EFR3B: variants seen among roughly 807,000 people sequenced by gnomAD.
EFR3B encodes the protein protein EFR3 homolog B.
EFR3B carries 64 observed loss-of-function variants against 104.7 expected under a neutral mutation model. That is an observed-to-expected ratio of 0.61 (90% confidence interval 0.50 to 0.75). The LOEUF (loss-of-function observed/expected upper bound fraction) is 0.75. Ranked by LOEUF, EFR3B falls within the 30% of genes least tolerant of loss-of-function variation. The pLI is 0.00. For missense variants in EFR3B, 750 were observed against 1,078.5 expected (o/e 0.70, Z 4.27); for synonymous variants, 385 against 417.9 (o/e 0.92, Z 0.96).
At chr2:25,091,975 G>A (rs7575066) in intron 2 of EFR3B, among the ~76,000 whole-genome samples, 2,503 of 152,230 alleles carry the variant, frequency 0.016, 64 homozygotes, top group African/African-American at 0.057. Context: ...GGCCTGTCTT[G>A]ATGGGAGCAT....
Position 25,131,582 on chromosome 2 carries a change from C to T in EFR3B, c.985+79C>T. ...TCTTACAGAGAGAGGCAAGGGACAA[C>T]AGGGAGGGGTCGGAGTCCGTTTTCC... On this transcript the variant is annotated intron_variant, in intron 9 of 22. Coordinates refer to ENST00000403714, the MANE Select transcript of EFR3B (RefSeq NM_014971.2). The surrounding 1 kb of genome is among the most constrained non-coding windows in gnomAD (Gnocchi z 7.6). 3 of 1,526,246 alleles carry T rather than the reference C, an allele frequency of 2.0e-6. No homozygotes were observed. The highest frequency in any genetic ancestry group is 1.4e-5 in the African/African-American group (1 of 72,534). The allele number at this position is 1,526,246 out of a possible 1,614,324, so 94.5% of individuals were successfully genotyped here.
At chr2:25,080,018 A>C in intron 1 of EFR3B, 1 of 918,558 alleles carries the variant, frequency 1.1e-6, no homozygotes, top group Non-Finnish European at 1.8e-6. Context: ...CAAGAATTTT[A>C]AGCCCACTGT....
At chr2:25,105,238 C>T (rs1210779473) in intron 4 of EFR3B, among the ~76,000 whole-genome samples, 5 of 152,138 alleles carry the variant, frequency 3.3e-5, no homozygotes, top group Non-Finnish European at 2.9e-5. Context: ...CTGCAACCTC[C>T]GCCTCCTGGG....
chr2:25,132,332 C>T (rs1670368183), intron 10 of EFR3B, among the ~76,000 whole-genome samples: 1 of 152,054 alleles, frequency 6.6e-6, no homozygotes, highest in South Asian at 2.1e-4. Flanking sequence ...CAGGTTAGGG[C>T]TTCCAGGAGG....
Position 25,131,826 on chromosome 2 carries a change from C to G in EFR3B, c.1062C>G (p.Ser354Arg). 6.5e-7 allele frequency: 1 copy of G among 1,549,942 alleles called. No homozygotes were observed. ...RLSIDYALTG[S>R]YDGAVSLGTK... ...GCATCGACTACGCGCTGACCGGGAG[C>G]TACGACGGGGCGGTCAGCCTCGGCA... The change falls in exon 10 of 23, where the codon AGC becomes AGG. Residue 354 changes from serine to arginine, a missense_variant. Physicochemically the swap from Ser to Arg is moderately radical, Grantham distance 110 (BLOSUM62 -1). Coordinates refer to ENST00000403714, the MANE Select transcript of EFR3B (RefSeq NM_014971.2). This position sits in a 1 kb window ranked among gnomAD's most constrained non-coding sequence, Gnocchi z 7.6.
rs989634501 is a variant in EFR3B, at chr2:25,114,538, C to T, written c.364-7135C>T. ...TAACAGAGCAAGAGTCCTGGCAGCC[C>T]GAGGGAATGGAATGGTCAACAGCCC... On this transcript the variant is annotated intron_variant, in intron 4 of 22. Transcript: ENST00000403714. The surrounding 1 kb of genome is among the most constrained non-coding windows in gnomAD (Gnocchi z 4.0). Among the ~76,000 whole-genome samples, 2 of 152,162 alleles carry T rather than the reference C, an allele frequency of 1.3e-5. No individual in the cohort carries two copies. The highest frequency in any genetic ancestry group is 4.8e-5 in the African/African-American group (2 of 41,438).
chr2:25,153,652 G>A, intron 21 of EFR3B, 60 bp from the exon 22 acceptor site: 1 of 1,535,652 alleles, frequency 6.5e-7, no homozygotes, highest in Non-Finnish European at 8.8e-7. Context: ...CCCTGAGCCA[G>A]CTGGCAGAGG....
At chr2:25,070,066 C>T (rs1668452907) in intron 1 of EFR3B, among the ~76,000 whole-genome samples, 1 of 152,214 alleles carries the variant, frequency 6.6e-6, no homozygotes, top group African/African-American at 2.4e-5. Flanking sequence ...AGGACAGTAA[C>T]TCCTGGCTAT....
At position 25,136,354 on chromosome 2, in the gene EFR3B, A is replaced by C. The variant is rs1384732324; in HGVS notation, c.1485-169A>C. On this transcript the variant is annotated intron_variant, in intron 13 of 22. Coordinates refer to ENST00000403714, the MANE Select transcript of EFR3B (RefSeq NM_014971.2). The surrounding 1 kb of genome is among the most constrained non-coding windows in gnomAD (Gnocchi z 4.0). ...AAAAAGAGAGAGAGATAAAGGGACA[A>C]ATTCTTGAGAACTTGGGAGGAAAAG... Among the ~76,000 whole-genome samples, 1 of 152,162 alleles carries C rather than the reference A, an allele frequency of 6.6e-6. No homozygotes were observed. The highest frequency in any genetic ancestry group is 1.5e-5 in the Non-Finnish European group (1 of 68,032).
At chr2:25,053,630 C>A (rs928881214) in intron 1 of EFR3B, among the ~76,000 whole-genome samples, 2 of 152,196 alleles carry the variant, frequency 1.3e-5, no homozygotes, top group African/African-American at 4.8e-5. Context: ...CCTGGCCAGG[C>A]GCGGTGGCTC....
At chr2:25,082,314 G>C (rs180674186) in intron 1 of EFR3B, among the ~76,000 whole-genome samples, 51 of 152,354 alleles carry the variant, frequency 3.3e-4, no homozygotes, top group Admixed American at 9.8e-4. Context: ...GGGGGAGTGA[G>C]GACAAGGCAG....
In EFR3B at chr2:25,128,853, C is replaced by T. The variant is rs537933742; in HGVS notation, c.635+521C>T. Among the ~76,000 whole-genome samples, 4 of 151,054 alleles carry T rather than the reference C, an allele frequency of 2.6e-5. No homozygotes were observed. In the South Asian group the frequency reaches 8.4e-4, roughly 32 times the overall value. On this transcript the variant is annotated intron_variant, in intron 6 of 22. Transcript: ENST00000403714. ...TGGCGGGCGCCTGTAGTCCCAGCTACTCGGGAGGCTGAGGCAGGAGAACGG... is the reference window on the plus strand; with the variant it reads ...TGGCGGGCGCCTGTAGTCCCAGCTATTCGGGAGGCTGAGGCAGGAGAACGG...
At chr2:25,126,399 G>A (rs1015879643) in intron 5 of EFR3B, among the ~76,000 whole-genome samples, 9 of 150,174 alleles carry the variant, frequency 6.0e-5, no homozygotes, top group Admixed American at 4.7e-4. Flanking sequence ...TTACTCTTTC[G>A]CCTAGGCAGG....
chr2:25,050,392 A>C (rs1483908100), intron 1 of EFR3B, among the ~76,000 whole-genome samples: 1 of 152,162 alleles, frequency 6.6e-6, no homozygotes, highest in African/African-American at 2.4e-5. Flanking sequence ...GTTTCTGTGC[A>C]TATGCAAAGG....
rs755662204 is a variant in EFR3B at position 25,154,196 on chromosome 2, C to G, written c.2349-39C>G. The G allele has an allele frequency of 1.9e-6, 3 of 1,540,882 alleles. No homozygotes were observed. In the South Asian group the frequency reaches 3.6e-5, roughly 18 times the overall value. On this transcript the variant is annotated intron_variant, in intron 22 of 22. Transcript: ENST00000403714. This position sits in a 1 kb window ranked among gnomAD's most constrained non-coding sequence, Gnocchi z 4.1. ...CACAAGGGTGGGATCCTAAAATTCT[C>G]TTTTCATGCCTTTCTCCCCATGTGT...
chr2:25,149,132 T>C (rs986740865), intron 19 of EFR3B, among the ~76,000 whole-genome samples: 60 of 151,830 alleles, frequency 4.0e-4, no homozygotes, highest in Non-Finnish European at 1.6e-4. Flanking sequence ...GGGCAGATCA[T>C]GAGTTCAGGA....
chr2:25,097,408 AT>A (rs1401040854), intron 3 of EFR3B, among the ~76,000 whole-genome samples: 1 of 152,168 alleles, frequency 6.6e-6, no homozygotes, highest in Non-Finnish European at 1.5e-5. Flanking sequence ...AGAGTAAAAT[AT>A]TCTCATGCAG....
At chr2:25,143,261 A>T (rs4665766) in intron 17 of EFR3B, among the ~76,000 whole-genome samples, 44,971 of 152,046 alleles carry the variant, frequency 0.3, 7,119 homozygotes, top group Admixed American at 0.38. Flanking sequence ...TGTACATAAG[A>T]ATATATTATA....
Position 25,141,464 on chromosome 2 carries a change from A to T in EFR3B, c.1922+31A>T, listed in dbSNP as rs1333638524. 3 of 1,549,546 alleles carry T rather than the reference A, an allele frequency of 1.9e-6. No individual in the cohort carries two copies. In the Admixed American group the frequency reaches 5.9e-5, roughly 30 times the overall value. Reference sequence around the variant, plus strand: ...GAGAGGACGGGGGACGTGGTCAGGGATCCCCAGGGCAGCTGAGTAAGCAGG... The same window carrying T: ...GAGAGGACGGGGGACGTGGTCAGGGTTCCCCAGGGCAGCTGAGTAAGCAGG... On this transcript the variant is annotated intron_variant, in intron 17 of 22. Coordinates refer to ENST00000403714, the MANE Select transcript of EFR3B (RefSeq NM_014971.2).
Sources: allele counts gnomAD v4.1 joint callset (sites outside exome capture counted in the v4.1 genomes callset), GRCh38; gene constraint gnomAD v4.1.1; non-coding constraint Gnocchi (gnomAD v3.1); transcripts MANE v1.5; gene names NCBI Gene and HGNC (gene_info 2026-07-23, HGNC 2026-07-21).